BCL11A: variants seen among roughly 807,000 people sequenced by gnomAD.
The protein encoded by BCL11A is B cell CLL/lymphoma 11A.
BCL11A carries 2 observed loss-of-function variants against 55.9 expected under a neutral mutation model. The observed-to-expected ratio is 0.04, with a 90% CI of 0.01 to 0.11. BCL11A has a LOEUF of 0.11. BCL11A is among the 10% of genes least tolerant of loss of function. The pLI is 1.00. For synonymous variants in BCL11A, 465 were observed against 473.4 expected (o/e 0.98, Z 0.23); for missense variants, 817 against 1,137.1 (o/e 0.72, Z 4.05).
At position 60,546,398 on chromosome 2, in the gene BCL11A, T is replaced by A; in HGVS notation, c.56-98A>T. Reference sequence around the variant, plus strand: ...CCCCATGCCATCCCACCACATCATGTAAAGTGTTTCTAGGCTTCTCTATAT... The same window carrying A: ...CCCCATGCCATCCCACCACATCATGAAAAGTGTTTCTAGGCTTCTCTATAT... On this transcript the variant is annotated intron_variant, in intron 1 of 3. Coordinates refer to ENST00000642384, the MANE Select transcript of BCL11A (RefSeq NM_022893.4). The surrounding 1 kb of genome is among the most constrained non-coding windows in gnomAD (Gnocchi z 4.1). The A allele has an allele frequency of 9.8e-7, 1 of 1,023,012 alleles. No homozygotes were observed. Among genetic ancestry groups the A allele is most frequent in the Non-Finnish European group, 1.4e-6 (1 of 694,106 alleles). 63.4% of individuals were successfully genotyped at this position (1,023,012 alleles called of 1,614,324 possible).
intron 2 of BCL11A, among the ~76,000 whole-genome samples, chr2:60,493,003 C>G (rs1338910537): frequency 6.6e-6 from 1 of 152,166 alleles, no homozygotes; most frequent in East Asian, 1.9e-4. Context: ...ACCCTCTGAC[C>G]CCTTCCTTCT....
In BCL11A at chr2:60,458,549, C is replaced by A; in HGVS notation, c.*1855G>T. On this transcript the variant is annotated 3_prime_UTR_variant, in exon 4 of 4. Coordinates refer to ENST00000642384, the MANE Select transcript of BCL11A (RefSeq NM_022893.4). ...ATTCTGTTTCCATTCACAGCGCTTG[C>A]AATGTTGCGTCCAAGTAAGTAAGCT... 9.6e-7 allele frequency: 1 copy of A among 1,037,416 alleles called. No homozygotes were observed. Among genetic ancestry groups the A allele is most frequent in the Admixed American group, 5.6e-5 (1 of 17,734 alleles). 64.3% of individuals were successfully genotyped at this position (1,037,416 alleles called of 1,614,324 possible). A position where few individuals can be genotyped will look rare whatever the true frequency, so the allele number is the denominator to read the frequency against.
intron 1 of BCL11A, among the ~76,000 whole-genome samples, chr2:60,551,916 G>A (rs1262294007): frequency 6.6e-6 from 1 of 152,016 alleles, no homozygotes; most frequent in Non-Finnish European, 1.5e-5. Context: ...TTGTTGGCAG[G>A]AGGCTCCCGC....
intron 2 of BCL11A, among the ~76,000 whole-genome samples, chr2:60,517,096 G>A (rs916619395): frequency 6.6e-6 from 1 of 152,172 alleles, no homozygotes; most frequent in African/African-American, 2.4e-5. Flanking sequence ...TTAAAATGAA[G>A]CATAAGGGAT....
At chr2:60,490,668 A>G (rs1678579344) in intron 2 of BCL11A, among the ~76,000 whole-genome samples, 1 of 152,084 alleles carries the variant, frequency 6.6e-6, no homozygotes, top group Non-Finnish European at 1.5e-5. Flanking sequence ...TTAACCCTCT[A>G]TGCCTCTAAT....
intron 2 of BCL11A, chr2:60,525,996 C>G (rs1023103455): frequency 6.6e-6 from 1 of 152,208 alleles, no homozygotes; most frequent in African/African-American, 2.4e-5. Flanking sequence ...GGTCTTCATA[C>G]TACAGGCAGA....
At chr2:60,549,465 G>A (rs1002857185) in intron 1 of BCL11A, among the ~76,000 whole-genome samples, 2 of 152,218 alleles carry the variant, frequency 1.3e-5, no homozygotes, top group Admixed American at 1.3e-4. Flanking sequence ...GCAAAGCCGG[G>A]GGCTACAGGC....
intron 2 of BCL11A, among the ~76,000 whole-genome samples, chr2:60,529,707 C>T (rs937687343): frequency 6.6e-6 from 1 of 152,138 alleles, no homozygotes; most frequent in Non-Finnish European, 1.5e-5. Context: ...GGAAATCCTG[C>T]CTCCCTTATG....
chr2:60,479,179 A>T (rs1677805472), intron 2 of BCL11A, among the ~76,000 whole-genome samples: 1 of 152,058 alleles, frequency 6.6e-6, no homozygotes, highest in Admixed American at 6.5e-5. Flanking sequence ...TATGAGTAAC[A>T]TCCAATGTTC....
intron 1 of BCL11A, chr2:60,549,703 C>A (rs905966747): frequency 3.3e-5 from 5 of 152,232 alleles, no homozygotes; most frequent in African/African-American, 1.2e-4. Context: ...AGCTCGGCCG[C>A]GGGGTGACGG....
chr2:60,493,254 C>A (rs1351378006), intron 2 of BCL11A, among the ~76,000 whole-genome samples: 1 of 152,152 alleles, frequency 6.6e-6, no homozygotes, highest in African/African-American at 2.4e-5. Flanking sequence ...CACTTTTTGA[C>A]CACTATGAAC....
intron 2 of BCL11A, among the ~76,000 whole-genome samples, chr2:60,530,611 T>G (rs1042126180): frequency 6.6e-6 from 1 of 151,680 alleles, no homozygotes; most frequent in Admixed American, 6.6e-5. Flanking sequence ...TTTTTTTTTA[T>G]TTTTTATTTT....
chr2:60,528,478 C>G (rs186164975), intron 2 of BCL11A: 2 of 152,430 alleles, frequency 1.3e-5, no homozygotes, highest in East Asian at 3.9e-4. Context: ...GCTCCGTGCT[C>G]CTTCAATATG....
chr2:60,547,200 ACAC>A (rs1397846591), intron 1 of BCL11A, among the ~76,000 whole-genome samples: 7 of 152,198 alleles, frequency 4.6e-5, no homozygotes. Flanking sequence ...GGTCAAGCAA[ACAC>A]CACATTTCAG....
At chr2:60,499,741 G>A (rs995872241) in intron 2 of BCL11A, 15 of 152,348 alleles carry the variant, frequency 9.8e-5, no homozygotes, top group African/African-American at 3.4e-4. Flanking sequence ...TGAGTGGAGA[G>A]GCTGCTGTGA....
chr2:60,468,003 T>A (rs1435145604), intron 3 of BCL11A, among the ~76,000 whole-genome samples: 1 of 125,928 alleles, frequency 7.9e-6, no homozygotes, highest in Non-Finnish European at 1.8e-5. Context: ...ATGGTGGTGG[T>A]GGTGATGGTG....
intron 2 of BCL11A, among the ~76,000 whole-genome samples, chr2:60,501,505 C>CTT (rs11366853): frequency 5.8e-4 from 69 of 119,694 alleles, no homozygotes; most frequent in African/African-American, 8.6e-4. Flanking sequence ...ACACCGCTTT[C>CTT]TTTTTTTTTT....
exon 5 of BCL11A, chr2:60,451,917 A>G (rs1206056316): frequency 8.7e-6 from 2 of 229,118 alleles, no homozygotes; most frequent in Non-Finnish European, 1.7e-5. Context: ...TATTACTACT[A>G]CATTAATTAT....
downstream of BCL11A, among the ~76,000 whole-genome samples, chr2:60,454,701 T>C (rs1207131455): frequency 1.3e-5 from 2 of 152,198 alleles, no homozygotes; most frequent in African/African-American, 4.8e-5. Context: ...TCTCAACTCC[T>C]TTTCAGGAAG....
Sources: gnomAD v4.1 joint callset for allele counts (sites outside exome capture counted in the v4.1 genomes callset) on GRCh38, gnomAD v4.1.1 for gene constraint, Gnocchi (gnomAD v3.1) non-coding constraint, MANE v1.5 for transcripts, NCBI Gene and HGNC (gene_info 2026-07-23, HGNC 2026-07-21) for gene names.